The following CCDC63 variants were observed in gnomAD, a reference collection of about 807,000 sequenced individuals.
The protein encoded by CCDC63 is coiled-coil domain-containing protein 63.
In CCDC63, 54 loss-of-function variants were observed where a neutral mutation model predicts 63.6. That is an observed-to-expected ratio of 0.85 (90% CI 0.68 to 1.07). The LOEUF (loss-of-function observed/expected upper bound fraction) is 1.07, where lower values mean the gene tolerates loss of function less well. Ranked by LOEUF, CCDC63 falls within the 50% of genes least tolerant of loss-of-function variation. The pLI is 0.00. For missense variants in CCDC63, 637 were observed against 689.6 expected, an observed-to-expected ratio of 0.92 and a Z score of 0.86; for synonymous variants, 253 against 266.1, an observed-to-expected ratio of 0.95 and a Z score of 0.48.
At chr12:110,882,818 A>G (rs1339366519) in intron 7 of CCDC63, among the ~76,000 whole-genome samples, 2 of 152,058 alleles carry the variant, frequency 1.3e-5, no homozygotes, top group African/African-American at 4.8e-5. Context: ...ACCTGTAAAA[A>G]GGTCACATGG....
upstream of CCDC63, among the ~76,000 whole-genome samples, chr12:110,846,523 C>G (rs562151077): frequency 3.5e-4 from 53 of 152,098 alleles, no homozygotes; most frequent in African/African-American, 1.2e-3. Flanking sequence ...TCTTTCCCCC[C>G]CCGCCCCAAC....
rs558620365 is a variant in CCDC63, at chr12:110,850,392, G to A, written c.-96-2467G>A. ...CAATGCCACATGGAGGGAAGCGACTGTTGGGGAGGCAATGAACTGATCTCT... is the reference window on the plus strand; with the variant it reads ...CAATGCCACATGGAGGGAAGCGACTATTGGGGAGGCAATGAACTGATCTCT... On this transcript the variant is annotated intron_variant, in intron 1 of 11. Transcript: ENST00000308208. 2.0e-5 allele frequency among the ~76,000 whole-genome samples: 3 copies of A among 152,368 alleles called. No individual in the cohort carries two copies. In the South Asian group the frequency reaches 6.2e-4, roughly 32 times the overall value.
chr12:110,868,550 C>T (rs2071010291), intron 4 of CCDC63, among the ~76,000 whole-genome samples: 2 of 151,200 alleles, frequency 1.3e-5, no homozygotes, highest in African/African-American at 2.4e-5. Flanking sequence ...GCCAACACAG[C>T]GAAACCCCGT....
chr12:110,865,464 CAAAAAAAAAA>C (rs10585238), intron 4 of CCDC63, among the ~76,000 whole-genome samples: 1 of 102,370 alleles, frequency 9.8e-6, no homozygotes, highest in African/African-American at 3.5e-5. Context: ...CAGCATATAC[CAAAAAAAAAA>C]AAAAAAAAGA....
In CCDC63 at chr12:110,871,672, G is replaced by A. The variant is rs116613041; in HGVS notation, c.370-2170G>A. 3.0e-3 allele frequency among the ~76,000 whole-genome samples: 456 copies of A among 151,488 alleles called. 3 individuals are homozygous for A. The highest frequency in any genetic ancestry group is 0.011 in the African/African-American group (445 of 41,272). ...GTTAATTACACATGATGAGGTGCAC[G>A]CGTCTTAAGGATACAGCTCAATGAA... On this transcript the variant is annotated intron_variant, in intron 4 of 11. Transcript: ENST00000308208.
In CCDC63 at chr12:110,873,912, C is replaced by A. The variant is rs764130437; in HGVS notation, c.440C>A (p.Pro147His). Residue 147 changes from proline (P) to histidine (H), a missense_variant, in exon 5 of 12, where the codon CCC (proline) becomes CAC (histidine). Pro to His is a moderately conservative substitution (Grantham distance 77). Transcript: ENST00000308208. ...IFAKMQEANN[P>H]RKLQKQIHIL... ...GCAAAAATGCAGGAGGCCAATAACC[C>A]CCGGAAACTGCAGAAACAGATTCAC... 3 of 1,612,274 alleles carry A rather than the reference C, an allele frequency of 1.9e-6. No homozygotes were observed.
Position 110,859,650 on chromosome 12 carries a change from G to A in CCDC63, c.369+875G>A, listed in dbSNP as rs1346716340. ...CATGACCCAGGGGCTCAAAATAGTC[G>A]TGTTTTCTGATTATGGTAACAAAAA... On this transcript the variant is annotated intron_variant, in intron 4 of 11. Coordinates refer to ENST00000308208, the MANE Select transcript of CCDC63 (RefSeq NM_152591.3). 2.0e-5 allele frequency among the ~76,000 whole-genome samples: 3 copies of A among 151,258 alleles called. 1 individual carries two copies. The highest frequency in any genetic ancestry group is 1.9e-4 in the East Asian group (1 of 5,182).
chr12:110,890,411 G>C, intron 8 of CCDC63, among the ~76,000 whole-genome samples: 1 of 152,138 alleles, frequency 6.6e-6, no homozygotes, highest in South Asian at 2.1e-4. Flanking sequence ...GCTATGTTAG[G>C]AGATGGGATT....
intron 6 of CCDC63, among the ~76,000 whole-genome samples, chr12:110,880,768 T>C: frequency 3.7e-4 from 1 of 2,688 alleles, no homozygotes; most frequent in African/African-American, 1.5e-3. Flanking sequence ...ATGATAGTGG[T>C]GATAATGATG....
At chr12:110,902,511 T>A (rs1364494878) in intron 10 of CCDC63, among the ~76,000 whole-genome samples, 2 of 151,950 alleles carry the variant, frequency 1.3e-5, no homozygotes, top group Non-Finnish European at 2.9e-5. Context: ...AAATCTCAGT[T>A]TCATTGTCCT....
rs1173799229 is a variant in CCDC63 at position 110,898,919 on chromosome 12, G to C, written c.1150-14G>C. On this transcript the variant is annotated splice_polypyrimidine_tract_variant and intron_variant, in intron 9 of 11. Coordinates refer to ENST00000308208, the MANE Select transcript of CCDC63 (RefSeq NM_152591.3). ...AGTCCTCCTGAGCAGGTGGGAATTG[G>C]GGTCTGCCACCAGGATAAACTGAGG... 6.4e-7 allele frequency: 1 copy of C among 1,571,106 alleles called. No homozygotes were observed. The highest frequency in any genetic ancestry group is 8.7e-7 in the Non-Finnish European group (1 of 1,155,308).
intron 10 of CCDC63, 130 bp downstream of exon 10, chr12:110,899,255 C>G: frequency 1.3e-6 from 1 of 762,946 alleles, no homozygotes; most frequent in Non-Finnish European, 2.1e-6. Flanking sequence ...AGCCAGCCTG[C>G]CTGGGTTTGA....
chr12:110,898,397 C>A (rs1354965732), intron 9 of CCDC63, among the ~76,000 whole-genome samples: 1 of 145,152 alleles, frequency 6.9e-6, no homozygotes, highest in Non-Finnish European at 1.5e-5. Context: ...CCAACGTGGG[C>A]AGATCACTTG....
At position 110,894,456 on chromosome 12, in the gene CCDC63, C is replaced by A. The variant is rs182772929; in HGVS notation, c.1149+1306C>A. Reference sequence around the variant, plus strand: ...GGCAACTGCCCTCCGGAGTCATTTCCCTTCCCTTCTTTGCGGCTGTTTTCT... The same window carrying A: ...GGCAACTGCCCTCCGGAGTCATTTCACTTCCCTTCTTTGCGGCTGTTTTCT... On this transcript the variant is annotated intron_variant, in intron 9 of 11. Transcript: ENST00000308208. Among the ~76,000 whole-genome samples the A allele has an allele frequency of 3.5e-3, 537 of 152,294 alleles. 2 individuals are homozygous for A. Among genetic ancestry groups the A allele is most frequent in the African/African-American group, 0.013 (528 of 41,544 alleles).
intron 2 of CCDC63, 65 bp from the exon 3 acceptor site, chr12:110,853,340 C>T (rs1483725607): frequency 2.3e-5 from 35 of 1,513,012 alleles, no homozygotes; most frequent in Non-Finnish European, 3.0e-5. Flanking sequence ...ACTCTTAAGC[C>T]CATCTGTGGG....
intron 4 of CCDC63, among the ~76,000 whole-genome samples, chr12:110,859,612 C>T (rs555969292): frequency 1.4e-4 from 21 of 151,830 alleles, no homozygotes; most frequent in Non-Finnish European, 2.4e-4. Flanking sequence ...GGCTGAAACA[C>T]GTCACTTCTG....
At chr12:110,873,479 C>T (rs547691108) in intron 4 of CCDC63, among the ~76,000 whole-genome samples, 3 of 152,174 alleles carry the variant, frequency 2.0e-5, no homozygotes, top group South Asian at 2.1e-4. Context: ...CCTGGGAGGA[C>T]GATGTCATTT....
chr12:110,858,571 C>A lies in CCDC63; in HGVS notation c.180-15C>A. The stretch of plus-strand genomic sequence containing the variant: ...TTAGGGGTTTGGGGTTAATCATGGG[C>A]TGCTTTTCCAACAGCAAGGAGATCA... On this transcript the variant is annotated splice_polypyrimidine_tract_variant and intron_variant, in intron 3 of 11. Transcript: ENST00000308208. The A allele has an allele frequency of 6.2e-7, 1 of 1,601,526 alleles. No individual in the cohort carries two copies. Among genetic ancestry groups the A allele is most frequent in the Non-Finnish European group, 8.5e-7 (1 of 1,173,788 alleles).
At chr12:110,863,845 G>C (rs1344317140) in intron 4 of CCDC63, among the ~76,000 whole-genome samples, 1 of 152,162 alleles carries the variant, frequency 6.6e-6, no homozygotes, top group African/African-American at 2.4e-5. Context: ...CCAACCTCCA[G>C]GGATGGTTTA....
Sources: allele counts gnomAD v4.1 joint callset (sites outside exome capture counted in the v4.1 genomes callset), GRCh38; gene constraint gnomAD v4.1.1; transcripts MANE v1.5; gene names NCBI Gene and HGNC (gene_info 2026-07-23, HGNC 2026-07-21).